Variants in BIRC6 observed in about 807,000 individuals in gnomAD.
BIRC6 encodes dual E2 ubiquitin-conjugating enzyme/E3 ubiquitin-protein ligase BIRC6.
In BIRC6, 98 loss-of-function variants were observed where a neutral mutation model predicts 503.3. The observed-to-expected ratio is 0.19, with a 90% CI of 0.17 to 0.23. The LOEUF (loss-of-function observed/expected upper bound fraction) is 0.23. Ranked by LOEUF, BIRC6 falls within the 10% of genes least tolerant of loss-of-function variation. The pLI is 1.00. For synonymous variants in BIRC6, 2,240 were observed against 2,078.7 expected (o/e 1.08, Z -2.11); for missense variants, 5,360 against 5,806.0 (o/e 0.92, Z 2.50).
chr2:32,458,181 C>G (rs1404470377), intron 23 of BIRC6, among the ~76,000 whole-genome samples: 1 of 152,130 alleles, frequency 6.6e-6, no homozygotes, highest in Non-Finnish European at 1.5e-5. Context: ...AAGGTCATTT[C>G]TCAAACTTTC....
In BIRC6 at chr2:32,410,099, G is replaced by A. The variant is rs751253891; in HGVS notation, c.1477+3542G>A. ...ATATATGTAATTTATGGTTTATTTT[G>A]TCATAGTATATACATAGACCAAAAT... On this transcript the variant is annotated intron_variant, in intron 9 of 73. Coordinates refer to ENST00000421745, the MANE Select transcript of BIRC6 (RefSeq NM_016252.4). Among the ~76,000 whole-genome samples, 8 of 152,160 alleles carry A rather than the reference G, an allele frequency of 5.3e-5. No individual in the cohort carries two copies. In the South Asian group the frequency reaches 1.7e-3, roughly 32 times the overall value.
chr2:32,599,852 T>C lies in BIRC6; in HGVS notation c.13944T>C (p.Thr4648=). Residue 4648 remains threonine, a synonymous_variant, in exon 70 of 74, where the codon ACT becomes ACC. Transcript: ENST00000421745. ...CCCCTCTTGTGAATCTAGAGACAAC[T>C]GGTGGTCATAGCGTGCGATTCAATC... ...SSPPLVNLET[T]GGHSVRFNPN... 1 of 1,613,954 alleles carries C rather than the reference T, an allele frequency of 6.2e-7. No individual in the cohort carries two copies. Among genetic ancestry groups the C allele is most frequent in the Non-Finnish European group, 8.5e-7 (1 of 1,179,850 alleles).
At chr2:32,501,534 T>A (rs2053196940) in intron 46 of BIRC6, among the ~76,000 whole-genome samples, 179 bp from the exon 47 acceptor site, 1 of 151,962 alleles carries the variant, frequency 6.6e-6, no homozygotes, top group Non-Finnish European at 1.5e-5. Context: ...AAAAGTGACT[T>A]TTCAGCTTCT....
chr2:32,398,084 A>G (rs2040171227), intron 6 of BIRC6, among the ~76,000 whole-genome samples: 1 of 152,164 alleles, frequency 6.6e-6, no homozygotes, highest in Admixed American at 6.5e-5. Context: ...AAAATTTGAA[A>G]GGGCGAATGG....
chr2:32,487,720 T>G lies in BIRC6; in HGVS notation c.7887T>G (p.Leu2629=), dbSNP rs777220229. The change falls in exon 41 of 74, where the codon CTT becomes CTG. Residue 2629 remains leucine, a synonymous_variant. Coordinates refer to ENST00000421745, the MANE Select transcript of BIRC6 (RefSeq NM_016252.4). ...GLQAANQTSQ[L]IIQLSSVPML... ...AAGCAGCAAACCAAACCAGCCAGCT[T>G]ATTATACAGTTATCATCTGTCCCAA... The G allele has an allele frequency of 6.2e-7, 1 of 1,613,684 alleles. No homozygotes were observed. Among genetic ancestry groups the G allele is most frequent in the South Asian group, 1.1e-5 (1 of 91,068 alleles).
At chr2:32,480,942 T>G (rs549491249) in intron 37 of BIRC6, among the ~76,000 whole-genome samples, 2 of 151,944 alleles carry the variant, frequency 1.3e-5, no homozygotes, top group Admixed American at 1.3e-4. Flanking sequence ...GCCTGGCCGG[T>G]AAATGGCATT....
chr2:32,604,758 G>T (rs889377806), intron 71 of BIRC6, among the ~76,000 whole-genome samples: 3 of 152,108 alleles, frequency 2.0e-5, no homozygotes, highest in Non-Finnish European at 4.4e-5. Flanking sequence ...AGGTTCAGGG[G>T]TTCCACTGCA....
chr2:32,558,344 A>G (rs2058928974), intron 65 of BIRC6, among the ~76,000 whole-genome samples: 1 of 152,192 alleles, frequency 6.6e-6, no homozygotes, highest in Non-Finnish European at 1.5e-5. Context: ...TACTTAGTGT[A>G]TACAATTCGG....
chr2:32,507,197 C>T (rs149742359), intron 50 of BIRC6, among the ~76,000 whole-genome samples: 5 of 152,176 alleles, frequency 3.3e-5, no homozygotes, highest in South Asian at 2.1e-4. Context: ...TGGGAGGCTG[C>T]GGCAGGTGAA....
chr2:32,441,819 C>A (rs1295802739), intron 17 of BIRC6, among the ~76,000 whole-genome samples: 1 of 152,028 alleles, frequency 6.6e-6, no homozygotes, highest in African/African-American at 2.4e-5. Context: ...GACACCCAAT[C>A]TCTGGAGAAA....
At chr2:32,453,989 T>G (rs761312986) in intron 23 of BIRC6, 47 bp downstream of exon 23, 64 of 1,350,530 alleles carry the variant, frequency 4.7e-5, no homozygotes, top group Admixed American at 9.0e-5. Flanking sequence ...CTTTATGCAG[T>G]AATAAAGTGA....
intron 4 of BIRC6, 120 bp downstream of exon 4, chr2:32,389,063 T>A: frequency 1.4e-6 from 1 of 703,512 alleles, no homozygotes; most frequent in Non-Finnish European, 2.0e-6. Flanking sequence ...CTAGCCTAAT[T>A]TTGAAATTAA....
At chr2:32,602,915 C>T (rs2062163618) in intron 70 of BIRC6, 91 bp from the exon 71 acceptor site, 7 of 1,025,978 alleles carry the variant, frequency 6.8e-6, no homozygotes, top group Non-Finnish European at 9.9e-6. Flanking sequence ...GATATTTTGA[C>T]AGGATAGCAT....
At chr2:32,491,689 GT>G in intron 44 of BIRC6, 131 bp downstream of exon 44, 1 of 1,028,324 alleles carries the variant, frequency 9.7e-7, no homozygotes, top group Non-Finnish European at 1.3e-6. Context: ...AATAAAAAAG[GT>G]TTTGTTATTT....
chr2:32,455,988 T>C (rs1558774906), intron 23 of BIRC6, among the ~76,000 whole-genome samples: 1 of 152,142 alleles, frequency 6.6e-6, no homozygotes, highest in Non-Finnish European at 1.5e-5. Context: ...ATTAATATAA[T>C]ATCTATGCGG....
At chr2:32,406,391 C>T in intron 8 of BIRC6, 108 bp from the exon 9 acceptor site, 1 of 740,158 alleles carries the variant, frequency 1.4e-6, no homozygotes, top group Non-Finnish European at 2.3e-6. Context: ...AGACTGAGAC[C>T]CTGTCTCAAA....
chr2:32,465,208 TA>T, intron 26 of BIRC6, 44 bp downstream of exon 26: 5 of 1,009,554 alleles, frequency 5.0e-6, no homozygotes, highest in South Asian at 1.9e-5. Flanking sequence ...TTTTTTTGCT[TA>T]GTCTGCCGGC....
At chr2:32,447,386 TCCC>T (rs1348785380) in intron 21 of BIRC6, among the ~76,000 whole-genome samples, 1 of 122,166 alleles carries the variant, frequency 8.2e-6, no homozygotes, top group Admixed American at 7.8e-5. Flanking sequence ...GGGGGGCTGA[TCCC>T]CCCACCTCCC....
At chr2:32,525,423 T>C (rs769482084) in intron 58 of BIRC6, 41 bp from the exon 59 acceptor site, 1 of 1,603,212 alleles carries the variant, frequency 6.2e-7, no homozygotes. Context: ...TTCATATTAG[T>C]GTGTTGACTA....
Sources: gnomAD v4.1 joint callset for allele counts (sites outside exome capture counted in the v4.1 genomes callset) on GRCh38, gnomAD v4.1.1 for gene constraint, MANE v1.5 for transcripts, NCBI Gene and HGNC (gene_info 2026-07-23, HGNC 2026-07-21) for gene names.